The following FBXL7 variants were observed in gnomAD, a reference collection of about 807,000 sequenced individuals.
The protein encoded by FBXL7 is F-box/LRR-repeat protein 7.
A neutral mutation model predicts 38.3 loss-of-function variants in FBXL7; 12 were observed. The ratio of observed to expected loss-of-function variants is 0.31; its 90% CI spans 0.20 to 0.51. The LOEUF (loss-of-function observed/expected upper bound fraction) is 0.51. Among genes scored for constraint, FBXL7 ranks in the 20% least tolerant of loss-of-function variants. The pLI, the probability that FBXL7 is intolerant of heterozygous loss-of-function variation, is 0.98. For synonymous variants in FBXL7, 297 were observed against 300.9 expected (o/e 0.99, Z 0.13); for missense variants, 567 against 676.4 (o/e 0.84, Z 1.79).
At chr5:15,897,345 A>G (rs368326245) in intron 2 of FBXL7, among the ~76,000 whole-genome samples, 5 of 152,302 alleles carry the variant, frequency 3.3e-5, no homozygotes, top group South Asian at 2.1e-4. Context: ...TACTTATTGT[A>G]TTTTCCTCTT....
intron 2 of FBXL7, among the ~76,000 whole-genome samples, chr5:15,694,272 G>A (rs1743267044): frequency 6.6e-6 from 1 of 152,192 alleles, no homozygotes; most frequent in Non-Finnish European, 1.5e-5. Flanking sequence ...CATAAGTGTA[G>A]GTCTTCTTTT....
chr5:15,773,598 G>A (rs1454437706), intron 2 of FBXL7, among the ~76,000 whole-genome samples: 10 of 152,064 alleles, frequency 6.6e-5, no homozygotes, highest in South Asian at 2.1e-4. Flanking sequence ...ACAGTGATTC[G>A]TGACTGTGCC....
intron 2 of FBXL7, among the ~76,000 whole-genome samples, chr5:15,790,010 G>T (rs1737233363): frequency 6.6e-6 from 1 of 152,142 alleles, no homozygotes. Context: ...AACACTGCTT[G>T]TTCCTATTTA....
At chr5:15,813,506 A>G (rs1243891387) in intron 2 of FBXL7, among the ~76,000 whole-genome samples, 1 of 152,248 alleles carries the variant, frequency 6.6e-6, no homozygotes, top group Non-Finnish European at 1.5e-5. Context: ...CATTCAGGAC[A>G]TAGGCATGGG....
intron 2 of FBXL7, among the ~76,000 whole-genome samples, chr5:15,805,397 A>G (rs1243275722): frequency 6.6e-6 from 1 of 152,200 alleles, no homozygotes; most frequent in Admixed American, 6.5e-5. Context: ...ATAGATATCC[A>G]CACTCTTTAA....
intron 2 of FBXL7, among the ~76,000 whole-genome samples, chr5:15,662,574 T>C (rs1463697826): frequency 6.6e-6 from 1 of 152,158 alleles, no homozygotes; most frequent in Non-Finnish European, 1.5e-5. Context: ...AATTTTTGCT[T>C]GTTCCTATGT....
chr5:15,668,112 C>T (rs1561077480), intron 2 of FBXL7, among the ~76,000 whole-genome samples: 2 of 152,176 alleles, frequency 1.3e-5, no homozygotes, highest in African/African-American at 2.4e-5. Flanking sequence ...CCTGATGAGC[C>T]ATCTAATCCA....
intron 2 of FBXL7, among the ~76,000 whole-genome samples, chr5:15,768,870 TG>T (rs1231311153): frequency 6.6e-6 from 1 of 152,234 alleles, no homozygotes; most frequent in Non-Finnish European, 1.5e-5. Flanking sequence ...TCTAGAAATG[TG>T]GGCATTTTGA....
chr5:15,771,251 C>A (rs1027711328), intron 2 of FBXL7, among the ~76,000 whole-genome samples: 13 of 152,176 alleles, frequency 8.5e-5, no homozygotes, highest in African/African-American at 2.9e-4. Context: ...CACCATACAT[C>A]TTATTGACAC....
intron 2 of FBXL7, among the ~76,000 whole-genome samples, chr5:15,723,338 C>T (rs1241368796): frequency 6.6e-6 from 1 of 152,034 alleles, no homozygotes; most frequent in African/African-American, 2.4e-5. Context: ...CTTTTTCATT[C>T]TTTTGAAGCT....
chr5:15,859,711 C>T (rs575933684), intron 2 of FBXL7, among the ~76,000 whole-genome samples: 1 of 152,200 alleles, frequency 6.6e-6, no homozygotes, highest in African/African-American at 2.4e-5. Context: ...AATTACCTCC[C>T]ATCAGGTCCC....
chr5:15,500,510 C>T lies in FBXL7; in HGVS notation c.-167C>T, dbSNP rs1248244598. ...GTGCCAGGAGGGGACGCAGCACCCCCTCCCACTGGAGTGCGGGGACCTCTC... is the reference window on the plus strand; with the variant it reads ...GTGCCAGGAGGGGACGCAGCACCCCTTCCCACTGGAGTGCGGGGACCTCTC... On this transcript the variant is annotated 5_prime_UTR_variant, in exon 1 of 4. Coordinates refer to ENST00000504595, the MANE Select transcript of FBXL7 (RefSeq NM_012304.5). The T allele has an allele frequency of 7.9e-6, 7 of 883,500 alleles. No individual in the cohort carries two copies. The highest frequency in any genetic ancestry group is 1.9e-5 in the Admixed American group (1 of 53,190). 54.7% of individuals were successfully genotyped at this position (883,500 alleles called of 1,614,324 possible).
At position 15,928,909 on chromosome 5, in the gene FBXL7, C is replaced by T. The variant is rs747557676; in HGVS notation, c.739+408C>T. Among the ~76,000 whole-genome samples, 2 of 152,138 alleles carry T rather than the reference C, an allele frequency of 1.3e-5. No individual in the cohort carries two copies. Among genetic ancestry groups the T allele is most frequent in the Non-Finnish European group, 2.9e-5 (2 of 68,034 alleles). Reference sequence around the variant, plus strand: ...TGCCTGGGAGTTGAGGTTAGTACGACTTTTAAATGTCTTTACTCTTCATAA... The same window carrying T: ...TGCCTGGGAGTTGAGGTTAGTACGATTTTTAAATGTCTTTACTCTTCATAA... On this transcript the variant is annotated intron_variant, in intron 3 of 3. Coordinates refer to ENST00000504595, the MANE Select transcript of FBXL7 (RefSeq NM_012304.5). This position sits in a 1 kb window ranked among gnomAD's most constrained non-coding sequence, Gnocchi z 4.0.
At chr5:15,665,694 A>G (rs1326652500) in intron 2 of FBXL7, among the ~76,000 whole-genome samples, 2 of 152,328 alleles carry the variant, frequency 1.3e-5, no homozygotes, top group South Asian at 2.1e-4. Context: ...AGAGTAGTTC[A>G]TATCCACAGC....
chr5:15,809,348 A>G (rs1205032783), intron 2 of FBXL7, among the ~76,000 whole-genome samples: 1 of 152,206 alleles, frequency 6.6e-6, no homozygotes, highest in Non-Finnish European at 1.5e-5. Context: ...GGTTAAAAGC[A>G]CAGAACCCGG....
intron 2 of FBXL7, among the ~76,000 whole-genome samples, chr5:15,891,452 A>C (rs911464329): frequency 6.6e-6 from 1 of 152,216 alleles, no homozygotes; most frequent in Non-Finnish European, 1.5e-5. Flanking sequence ...TCCACTCAAC[A>C]AACATTTATT....
intron 2 of FBXL7, among the ~76,000 whole-genome samples, chr5:15,917,642 G>A (rs71587623): frequency 0.021 from 1,234 of 58,430 alleles, 13 homozygotes; most frequent in African/African-American, 0.068. Context: ...TAAAGGAAGG[G>A]AGGGAAGGAA....
At chr5:15,609,685 C>G (rs1359684850) in intron 1 of FBXL7, among the ~76,000 whole-genome samples, 2 of 152,172 alleles carry the variant, frequency 1.3e-5, no homozygotes, top group Non-Finnish European at 2.9e-5. Flanking sequence ...TCAGTGTCAC[C>G]ATGAAACCCA....
At chr5:15,782,955 T>C (rs1189449861) in intron 2 of FBXL7, among the ~76,000 whole-genome samples, 1 of 152,082 alleles carries the variant, frequency 6.6e-6, no homozygotes, top group East Asian at 1.9e-4. Flanking sequence ...ATTTGACAGT[T>C]GCAATAATAA....
Sources: gnomAD v4.1 joint callset for allele counts (sites outside exome capture counted in the v4.1 genomes callset) on GRCh38, gnomAD v4.1.1 for gene constraint, Gnocchi (gnomAD v3.1) non-coding constraint, MANE v1.5 for transcripts, NCBI Gene and HGNC (gene_info 2026-07-23, HGNC 2026-07-21) for gene names.